The following SLC4A4 variants were observed in gnomAD, a reference collection of about 807,000 sequenced individuals.
SLC4A4 encodes the protein electrogenic sodium bicarbonate cotransporter 1.
A neutral mutation model predicts 111.5 loss-of-function variants in SLC4A4; 27 were observed. That is an observed-to-expected ratio of 0.24 (90% CI 0.18 to 0.33). The LOEUF (loss-of-function observed/expected upper bound fraction) is 0.33. Ranked by LOEUF, SLC4A4 falls within the 10% of genes least tolerant of loss-of-function variation. The probability of loss-of-function intolerance (pLI) is 1.00; values close to 1 mark genes in which losing one functional copy is unlikely to be tolerated. For synonymous variants in SLC4A4, 443 were observed against 463.4 expected, an observed-to-expected ratio of 0.96 and a Z score of 0.57; for missense variants, 909 against 1,315.5, an observed-to-expected ratio of 0.69 and a Z score of 4.78.
chr4:71,256,943 A>G lies in SLC4A4; in HGVS notation c.253+1544A>G, dbSNP rs114568048. Among the ~76,000 whole-genome samples the G allele has an allele frequency of 2.7e-3, 417 of 152,298 alleles. 6 individuals carry two copies. Among genetic ancestry groups the G allele is most frequent in the African/African-American group, 9.0e-3 (374 of 41,562 alleles). On this transcript the variant is annotated intron_variant, in intron 3 of 25. Transcript: ENST00000264485. ...CTTCAGATTAGAACAAGAGTGCATC[A>G]TCACTATTAATGTTAAAAAGTAAAG...
rs1421831560 is a variant in SLC4A4, at chr4:71,447,722, A to T, written c.1042A>T (p.Met348Leu). Residue 348 changes from methionine to leucine, a missense_variant, in exon 9 of 26, where the codon ATG becomes TTG. Transcript: ENST00000264485. ...HEIGRAIATL[M>L]SDEVFHDIAY... ...GATTGGCAGAGCCATTGCCACCCTG[A>T]TGTCTGATGAGGTAGGAAATCAGGA... The T allele has an allele frequency of 3.7e-6, 6 of 1,606,884 alleles. No individual in the cohort carries two copies. Among genetic ancestry groups the T allele is most frequent in the Non-Finnish European group, 5.1e-6 (6 of 1,173,848 alleles).
At chr4:71,153,750 G>C (rs1453408251) in intron 2 of SLC4A4, among the ~76,000 whole-genome samples, 1 of 152,102 alleles carries the variant, frequency 6.6e-6, no homozygotes, top group Non-Finnish European at 1.5e-5. Flanking sequence ...CAGACTCGCT[G>C]TCTACTTCAC....
chr4:71,278,072 T>C (rs964162822), intron 3 of SLC4A4, among the ~76,000 whole-genome samples: 1 of 152,270 alleles, frequency 6.6e-6, no homozygotes, highest in Non-Finnish European at 1.5e-5. Context: ...TGAAAGTTTG[T>C]ATCCTTGGAC....
intron 3 of SLC4A4, among the ~76,000 whole-genome samples, chr4:71,262,532 T>C (rs1721935804): frequency 6.6e-6 from 1 of 152,180 alleles, no homozygotes; most frequent in African/African-American, 2.4e-5. Context: ...CCTTCTCTGT[T>C]GTTTTTCTTC....
intron 13 of SLC4A4, 84 bp from the exon 14 acceptor site, chr4:71,472,615 C>A: frequency 7.1e-7 from 1 of 1,411,308 alleles, no homozygotes; most frequent in South Asian, 1.2e-5. Context: ...TTTTGTCAAT[C>A]TTTCTGTAGA....
At chr4:71,096,016 G>A (rs911380081) in intron 2 of SLC4A4, among the ~76,000 whole-genome samples, 5 of 152,132 alleles carry the variant, frequency 3.3e-5, no homozygotes, top group Admixed American at 6.6e-5. Context: ...AAAATGGAAG[G>A]CCTGGAGGAT....
chr4:71,352,058 G>A (rs764126463), intron 5 of SLC4A4, among the ~76,000 whole-genome samples: 7 of 152,106 alleles, frequency 4.6e-5, no homozygotes, highest in Non-Finnish European at 7.4e-5. Context: ...GAAGCAAGCA[G>A]AAAGAATTAT....
chr4:71,282,960 C>T (rs562825429), intron 3 of SLC4A4, among the ~76,000 whole-genome samples: 35 of 152,172 alleles, frequency 2.3e-4, no homozygotes, highest in Non-Finnish European at 4.4e-4. Flanking sequence ...TTTTCCGCAA[C>T]GATAAAGGGA....
intron 24 of SLC4A4, among the ~76,000 whole-genome samples, chr4:71,564,168 A>G (rs1442907099): frequency 6.6e-6 from 1 of 151,564 alleles, no homozygotes. Context: ...CATGTTTTTA[A>G]TTGATTTTTC....
intron 1 of SLC4A4, among the ~76,000 whole-genome samples, chr4:71,087,646 C>T (rs1322670250): frequency 1.3e-5 from 2 of 151,946 alleles, no homozygotes; most frequent in African/African-American, 4.8e-5. Context: ...TTATTTCTGC[C>T]TTCATTTTGT....
At chr4:71,405,106 A>G (rs1048769046) in intron 7 of SLC4A4, among the ~76,000 whole-genome samples, 2 of 152,026 alleles carry the variant, frequency 1.3e-5, no homozygotes, top group South Asian at 4.1e-4. Context: ...GTAAGCCACT[A>G]TGCCCCACCC....
Position 71,087,013 on chromosome 4 carries a change from C to T in SLC4A4, c.-64-5717C>T, listed in dbSNP as rs1173821569. ...TCCTTCTTGTACCTCTGGTAGAATT[C>T]GGCTGCGAATCCATCTGGTCCTGGA... On this transcript the variant is annotated intron_variant, in intron 1 of 26. Transcript: ENST00000649996. 5.9e-5 allele frequency among the ~76,000 whole-genome samples: 9 copies of T among 152,076 alleles called. No individual in the cohort carries two copies. In the East Asian group the frequency reaches 7.7e-4, roughly 13 times the overall value.
intron 7 of SLC4A4, among the ~76,000 whole-genome samples, chr4:71,408,219 A>T (rs554402050): frequency 6.6e-6 from 1 of 152,178 alleles, no homozygotes; most frequent in Non-Finnish European, 1.5e-5. Flanking sequence ...AGAAACATCC[A>T]TCCAGGATCA....
chr4:71,566,901 T>C (rs934683263), intron 24 of SLC4A4, 103 bp from the exon 25 acceptor site: 72 of 856,068 alleles, frequency 8.4e-5, no homozygotes, highest in Non-Finnish European at 1.2e-4. Context: ...TTGTCTTTTT[T>C]ACTCTTACCA....
At chr4:71,390,212 A>G (rs1020530943) in intron 6 of SLC4A4, among the ~76,000 whole-genome samples, 1 of 152,170 alleles carries the variant, frequency 6.6e-6, no homozygotes, top group African/African-American at 2.4e-5. Context: ...CCTTTCTTCT[A>G]GACTTTGTCA....
intron 1 of SLC4A4, among the ~76,000 whole-genome samples, chr4:71,221,949 T>A (rs894527249): frequency 2.0e-5 from 3 of 152,216 alleles, no homozygotes; most frequent in African/African-American, 7.2e-5. Context: ...CTGTAACCTC[T>A]GTGCTACACT....
intron 3 of SLC4A4, among the ~76,000 whole-genome samples, chr4:71,337,444 T>C (rs1728520914): frequency 6.6e-6 from 1 of 152,214 alleles, no homozygotes; most frequent in African/African-American, 2.4e-5. Flanking sequence ...TATTTTATGA[T>C]TGAGTGGTAT....
rs577487175 is a variant in SLC4A4 at position 71,433,319 on chromosome 4, A to G, written c.808-7297A>G. Among the ~76,000 whole-genome samples, 10 of 151,778 alleles carry G rather than the reference A, an allele frequency of 6.6e-5. No individual in the cohort carries two copies. In the South Asian group the frequency reaches 1.5e-3, roughly 22 times the overall value. The stretch of plus-strand genomic sequence containing the variant: ...GTATTGATAAACTCTGTGTGTTCCC[A>G]TCTAAAGCTAACTTTTCTGCCTGTG... On this transcript the variant is annotated intron_variant, in intron 7 of 25. Coordinates refer to ENST00000264485, the MANE Select transcript of SLC4A4 (RefSeq NM_001098484.3).
At chr4:71,139,420 T>C (rs1038028097) in intron 2 of SLC4A4, among the ~76,000 whole-genome samples, 2 of 152,166 alleles carry the variant, frequency 1.3e-5, no homozygotes, top group African/African-American at 2.4e-5. Flanking sequence ...TTCACCCCTG[T>C]TTTCACACTA....
Sources: gnomAD v4.1 joint callset for allele counts (sites outside exome capture counted in the v4.1 genomes callset) on GRCh38, gnomAD v4.1.1 for gene constraint, MANE v1.5 for transcripts, NCBI Gene and HGNC (gene_info 2026-07-23, HGNC 2026-07-21) for gene names.